The following PDE4B variants were observed in gnomAD, a reference collection of about 807,000 sequenced individuals.
PDE4B encodes the protein phosphodiesterase 4B.
In PDE4B, 20 loss-of-function variants were observed where a neutral mutation model predicts 82.2. The ratio of observed to expected loss-of-function variants is 0.24; its 90% CI spans 0.17 to 0.35. The LOEUF (loss-of-function observed/expected upper bound fraction) is 0.35, where lower values mean the gene tolerates loss of function less well. Among genes scored for constraint, PDE4B ranks in the 10% least tolerant of loss-of-function variants. The pLI, the probability that PDE4B is intolerant of heterozygous loss-of-function variation, is 1.00. For missense variants in PDE4B, 655 were observed against 907.2 expected, an observed-to-expected ratio of 0.72 and a Z score of 3.57; for synonymous variants, 320 against 318.9, an observed-to-expected ratio of 1.00 and a Z score of -0.04.
intron 1 of PDE4B, among the ~76,000 whole-genome samples, chr1:65,863,029 TTG>T (rs2100263688): frequency 6.6e-6 from 1 of 152,286 alleles, no homozygotes; most frequent in East Asian, 1.9e-4. Context: ...TGGAGGGTTT[TTG>T]TGTCTCTGTC....
At position 66,238,118 on chromosome 1, in the gene PDE4B, AAAC is replaced by A. The variant is rs1225316640; in HGVS notation, c.282-9339_282-9337del. 9.2e-5 allele frequency among the ~76,000 whole-genome samples: 14 copies of A among 152,326 alleles called. No individual in the cohort carries two copies. The East Asian group carries it at 2.7e-3, about 29-fold the overall frequency. ...GCAGCCATCCAGAGAGTAGAGGAGA[AAAC>A]AAACAGAAAGACCAACATTTATTCA... is the stretch of plus-strand genomic sequence containing the variant. On this transcript the variant is annotated intron_variant, in intron 3 of 16. Transcript: ENST00000341517.
In PDE4B at chr1:66,362,098, C is replaced by CT. The variant is rs1055943354; in HGVS notation, c.1020+313dup. ...ATCCTTTTTCCATACCAAAGAACCA[C>CT]TTTTTTTTGTTTTGTCCTGAGTTAG... On this transcript the variant is annotated intron_variant, in intron 10 of 16. Coordinates refer to ENST00000341517, the MANE Select transcript of PDE4B (RefSeq NM_002600.4). Among the ~76,000 whole-genome samples, 7 of 151,988 alleles carry CT rather than the reference C, an allele frequency of 4.6e-5. No homozygotes were observed. In the South Asian group the frequency reaches 1.0e-3, roughly 23 times the overall value.
chr1:65,905,868 C>G (rs1244310772), intron 1 of PDE4B, among the ~76,000 whole-genome samples: 2 of 152,100 alleles, frequency 1.3e-5, no homozygotes, highest in Non-Finnish European at 2.9e-5. Context: ...TGATTCTCCT[C>G]TCCTAAGATG....
chr1:65,845,503 T>C (rs747157532), intron 1 of PDE4B, among the ~76,000 whole-genome samples: 1 of 152,170 alleles, frequency 6.6e-6, no homozygotes, highest in African/African-American at 2.4e-5. Flanking sequence ...AACTTTATTG[T>C]AGGGGTGAGA....
At chr1:66,297,203 C>T (rs1268034227) in intron 7 of PDE4B, among the ~76,000 whole-genome samples, 4 of 152,032 alleles carry the variant, frequency 2.6e-5, no homozygotes, top group Non-Finnish European at 5.9e-5. Flanking sequence ...CTTGCTTCCT[C>T]GACAGATATC....
At chr1:66,011,907 G>A (rs1216576592) in intron 3 of PDE4B, among the ~76,000 whole-genome samples, 2 of 151,960 alleles carry the variant, frequency 1.3e-5, no homozygotes, top group South Asian at 4.2e-4. Flanking sequence ...GTTTTTGATG[G>A]ATACATAAAG....
rs185789772 is a variant in PDE4B, at chr1:66,122,963, C to T, written c.282-124497C>T. ...TCAGGGGATCTGTCTGCCTCAGCCT[C>T]CCAAAGTGCTGGGATTACAGATGTG... On this transcript the variant is annotated intron_variant, in intron 3 of 16. Transcript: ENST00000341517. 5.5e-4 allele frequency among the ~76,000 whole-genome samples: 84 copies of T among 152,134 alleles called. 1 individual carries two copies. In the East Asian group the frequency reaches 9.7e-3, roughly 18 times the overall value.
chr1:66,204,669 G>T (rs1455008767), intron 3 of PDE4B, among the ~76,000 whole-genome samples: 1 of 152,224 alleles, frequency 6.6e-6, no homozygotes, highest in South Asian at 2.1e-4. Context: ...ATAATCTCCT[G>T]GTGTGCCGTT....
chr1:65,817,892 C>G (rs1235218745), intron 1 of PDE4B, among the ~76,000 whole-genome samples: 1 of 151,974 alleles, frequency 6.6e-6, no homozygotes, highest in East Asian at 1.9e-4. Flanking sequence ...AGGACACACA[C>G]ATTATTTTTA....
intron 3 of PDE4B, among the ~76,000 whole-genome samples, chr1:66,078,898 GT>G (rs1656573429): frequency 6.6e-6 from 1 of 151,866 alleles, no homozygotes; most frequent in African/African-American, 2.4e-5. Flanking sequence ...GCCACTTAGA[GT>G]TTTGGATGGA....
At chr1:65,885,635 C>G (rs982145593) in intron 1 of PDE4B, among the ~76,000 whole-genome samples, 3 of 151,876 alleles carry the variant, frequency 2.0e-5, no homozygotes, top group African/African-American at 7.3e-5. Context: ...ACCACATGTT[C>G]TCACTCATAG....
At chr1:65,953,004 G>A (rs967993801) in intron 3 of PDE4B, among the ~76,000 whole-genome samples, 1 of 152,080 alleles carries the variant, frequency 6.6e-6, no homozygotes, top group Non-Finnish European at 1.5e-5. Context: ...CCTCCACCGG[G>A]CATGGAACAT....
intron 8 of PDE4B, chr1:66,354,945 C>T (rs1453078995): frequency 2.0e-6 from 3 of 1,493,088 alleles, no homozygotes; most frequent in Non-Finnish European, 2.7e-6. Flanking sequence ...TGAAACGTAC[C>T]TCTGTGTGTT....
chr1:66,247,788 C>T (rs979761912), intron 4 of PDE4B, 134 bp downstream of exon 4: 19 of 602,736 alleles, frequency 3.2e-5, no homozygotes, highest in East Asian at 3.0e-5. Flanking sequence ...GCAGGGGTGA[C>T]GTGATGACCA....
At chr1:65,968,202 C>T (rs1649949943) in intron 3 of PDE4B, among the ~76,000 whole-genome samples, 1 of 152,032 alleles carries the variant, frequency 6.6e-6, no homozygotes, top group African/African-American at 2.4e-5. Context: ...TGTATGGGTT[C>T]TTCTCCTTGT....
chr1:65,798,688 A>G (rs1032561460), intron 1 of PDE4B, among the ~76,000 whole-genome samples: 2 of 152,182 alleles, frequency 1.3e-5, no homozygotes, highest in African/African-American at 2.4e-5. Flanking sequence ...CCTCAACCAC[A>G]TTATCCATTA....
intron 3 of PDE4B, among the ~76,000 whole-genome samples, chr1:66,073,015 C>CTTTT (rs35522900): frequency 1.4e-5 from 2 of 146,966 alleles, no homozygotes; most frequent in African/African-American, 5.0e-5. Context: ...GCCTTTAGCC[C>CTTTT]TTTTTTTTTT....
In PDE4B at chr1:66,221,396, G is replaced by A. The variant is rs1342682897; in HGVS notation, c.282-26064G>A. 2.0e-5 allele frequency among the ~76,000 whole-genome samples: 3 copies of A among 151,968 alleles called. No homozygotes were observed. The East Asian group carries it at 5.8e-4, about 29-fold the overall frequency. Reference sequence around the variant, plus strand: ...GTAATAGGAAAGACAATTGCTCAAGGGCATAGAGAGATATTGTTAAAAATG... The same window carrying A: ...GTAATAGGAAAGACAATTGCTCAAGAGCATAGAGAGATATTGTTAAAAATG... On this transcript the variant is annotated intron_variant, in intron 3 of 16. Transcript: ENST00000341517.
intron 3 of PDE4B, among the ~76,000 whole-genome samples, chr1:66,130,329 G>A (rs927368088): frequency 4.6e-5 from 7 of 152,154 alleles, no homozygotes; most frequent in Non-Finnish European, 7.4e-5. Flanking sequence ...TTTGTAAAAC[G>A]TTCATTCATT....
Sources: gnomAD v4.1 joint callset for allele counts (sites outside exome capture counted in the v4.1 genomes callset) on GRCh38, gnomAD v4.1.1 for gene constraint, MANE v1.5 for transcripts, NCBI Gene and HGNC (gene_info 2026-07-23, HGNC 2026-07-21) for gene names.